LRRTM4: variants seen among roughly 807,000 people sequenced by gnomAD.
The protein encoded by LRRTM4 is leucine-rich repeat transmembrane neuronal protein 4.
In LRRTM4, 25 loss-of-function variants were observed where a neutral mutation model predicts 47.6. The observed-to-expected ratio is 0.53, with a 90% CI of 0.38 to 0.73. The LOEUF (loss-of-function observed/expected upper bound fraction) is 0.73, where lower values mean the gene tolerates loss of function less well. Among genes scored for constraint, LRRTM4 ranks in the 30% least tolerant of loss-of-function variants. The pLI, the probability that LRRTM4 is intolerant of heterozygous loss-of-function variation, is 0.00. For synonymous variants in LRRTM4, 311 were observed against 269.5 expected (o/e 1.15, Z -1.51); for missense variants, 638 against 713.4 (o/e 0.89, Z 1.20).
intron 3 of LRRTM4, among the ~76,000 whole-genome samples, chr2:77,312,217 T>C (rs1356236640): frequency 6.6e-6 from 1 of 152,196 alleles, no homozygotes; most frequent in Non-Finnish European, 1.5e-5. Flanking sequence ...CAAAAGTGTG[T>C]AATTCCACAG....
intron 3 of LRRTM4, among the ~76,000 whole-genome samples, chr2:77,433,471 T>A (rs1675466923): frequency 6.6e-6 from 1 of 152,140 alleles, no homozygotes; most frequent in South Asian, 2.1e-4. Flanking sequence ...CATCTCAACC[T>A]TGCACCAAAA....
In LRRTM4 at chr2:76,774,338, C is replaced by T. The variant is rs549111262; in HGVS notation, c.1552-25422G>A. Among the ~76,000 whole-genome samples, 14 of 151,578 alleles carry T rather than the reference C, an allele frequency of 9.2e-5. No individual in the cohort carries two copies. The East Asian group carries it at 9.8e-4, about 11-fold the overall frequency. The stretch of plus-strand genomic sequence containing the variant: ...TCCCTAGTAGCTGGGATTACAGGCA[C>T]GTGCCACCACTCCCAGATAATTTTT... On this transcript the variant is annotated intron_variant, in intron 3 of 3. Transcript: ENST00000409884.
At chr2:76,946,346 C>T (rs895646958) in intron 3 of LRRTM4, among the ~76,000 whole-genome samples, 42 of 151,794 alleles carry the variant, frequency 2.8e-4, no homozygotes, top group African/African-American at 9.4e-4. Context: ...TGGTATTCTG[C>T]CATTTTGCTG....
At chr2:77,080,501 G>A (rs1044292219) in intron 3 of LRRTM4, among the ~76,000 whole-genome samples, 1 of 152,020 alleles carries the variant, frequency 6.6e-6, no homozygotes, top group Non-Finnish European at 1.5e-5. Context: ...TAATCTAACA[G>A]GCAAATCAAA....
intron 3 of LRRTM4, among the ~76,000 whole-genome samples, chr2:76,749,382 T>A (rs1219855212): frequency 6.6e-6 from 1 of 152,102 alleles, no homozygotes; most frequent in Admixed American, 6.6e-5. Flanking sequence ...ATATTTACAC[T>A]TTTATTTATA....
intron 3 of LRRTM4, among the ~76,000 whole-genome samples, chr2:76,763,926 A>C (rs1397356547): frequency 6.6e-6 from 1 of 152,182 alleles, no homozygotes; most frequent in Non-Finnish European, 1.5e-5. Context: ...AACAATCATA[A>C]ACAGAATGGT....
At chr2:77,011,041 G>A (rs1677851762) in intron 3 of LRRTM4, among the ~76,000 whole-genome samples, 1 of 152,056 alleles carries the variant, frequency 6.6e-6, no homozygotes, top group African/African-American at 2.4e-5. Context: ...TGATCAGACA[G>A]TCAGAAGTAC....
chr2:77,107,581 G>A (rs914984311), intron 3 of LRRTM4, among the ~76,000 whole-genome samples: 5 of 152,142 alleles, frequency 3.3e-5, no homozygotes, highest in Admixed American at 1.3e-4. Flanking sequence ...CACTTCGGGA[G>A]GCCGAGGTGG....
intron 3 of LRRTM4, among the ~76,000 whole-genome samples, chr2:76,990,782 T>C (rs1469306473): frequency 2.0e-5 from 3 of 151,584 alleles, no homozygotes; most frequent in Non-Finnish European, 4.4e-5. Context: ...CTTAAATTTA[T>C]ACTTGACCAA....
rs145300514 is a variant in LRRTM4 at position 76,936,999 on chromosome 2, T to A, written c.1552-188083A>T. ...AAAAAAAAAAAAGAGCACATAAGTA[T>A]ATGTGAAAACATATCATCTTATCAG... On this transcript the variant is annotated intron_variant, in intron 3 of 3. Coordinates refer to ENST00000409884, the MANE Select transcript of LRRTM4 (RefSeq NM_001134745.3). Among the ~76,000 whole-genome samples the A allele has an allele frequency of 4.0e-3, 476 of 118,604 alleles. 1 individual carries two copies. Among genetic ancestry groups the A allele is most frequent in the African/African-American group, 0.015 (459 of 30,996 alleles). The allele number at this position is 118,604 out of a possible 152,430, so 77.8% of individuals were successfully genotyped here. A position where few individuals can be genotyped will look rare whatever the true frequency, so the allele number is the denominator to read the frequency against.
At chr2:77,104,779 C>T (rs1008685434) in intron 3 of LRRTM4, among the ~76,000 whole-genome samples, 1 of 152,094 alleles carries the variant, frequency 6.6e-6, no homozygotes, top group East Asian at 1.9e-4. Flanking sequence ...GAGGTGAGCG[C>T]CAGGGTACCA....
chr2:77,038,523 A>C (rs2104166604), intron 3 of LRRTM4, among the ~76,000 whole-genome samples: 1 of 151,692 alleles, frequency 6.6e-6, no homozygotes, highest in Middle Eastern at 3.4e-3. Flanking sequence ...TCACATGCCC[A>C]ATACTGACTA....
chr2:77,120,991 G>A lies in LRRTM4; in HGVS notation c.1552-372075C>T, dbSNP rs568994235. On this transcript the variant is annotated intron_variant, in intron 3 of 3. Transcript: ENST00000409884. Reference sequence around the variant, plus strand: ...AAACCTTGAAAAAAGAAACACAGTAGATCTACGTATCTGTGTACGGGCTAT... The same window carrying A: ...AAACCTTGAAAAAAGAAACACAGTAAATCTACGTATCTGTGTACGGGCTAT... 3.3e-5 allele frequency among the ~76,000 whole-genome samples: 5 copies of A among 151,890 alleles called. No homozygotes were observed. The East Asian group carries it at 7.7e-4, about 23-fold the overall frequency.
chr2:77,104,728 C>G (rs966791959), intron 3 of LRRTM4, among the ~76,000 whole-genome samples: 1 of 152,124 alleles, frequency 6.6e-6, no homozygotes, highest in Non-Finnish European at 1.5e-5. Context: ...TGAGGACACC[C>G]GCTGAAATCG....
intron 3 of LRRTM4, among the ~76,000 whole-genome samples, chr2:77,249,652 G>C (rs1558653058): frequency 6.6e-6 from 1 of 152,122 alleles, no homozygotes; most frequent in South Asian, 2.1e-4. Context: ...CCAAAATCCA[G>C]AGCGCTGATA....
chr2:77,302,478 T>C lies in LRRTM4; in HGVS notation c.1551+215840A>G, dbSNP rs370201477. Among the ~76,000 whole-genome samples, 6 of 152,298 alleles carry C rather than the reference T, an allele frequency of 3.9e-5. No homozygotes were observed. In the East Asian group the frequency reaches 7.7e-4, roughly 20 times the overall value. On this transcript the variant is annotated intron_variant, in intron 3 of 3. Coordinates refer to ENST00000409884, the MANE Select transcript of LRRTM4 (RefSeq NM_001134745.3). Reference sequence around the variant, plus strand: ...GGGATTCAAGAGTTCCTCAAAGGCATGGAATATAATGAAAAATATCACAGG... The same window carrying C: ...GGGATTCAAGAGTTCCTCAAAGGCACGGAATATAATGAAAAATATCACAGG...
chr2:76,850,524 T>G (rs1340154145), intron 3 of LRRTM4, among the ~76,000 whole-genome samples: 1 of 152,204 alleles, frequency 6.6e-6, no homozygotes, highest in Non-Finnish European at 1.5e-5. Context: ...CATTATCCCC[T>G]GTTACTGCAG....
At chr2:77,130,723 G>A (rs868393774) in intron 3 of LRRTM4, among the ~76,000 whole-genome samples, 2 of 150,912 alleles carry the variant, frequency 1.3e-5, no homozygotes, top group African/African-American at 4.9e-5. Flanking sequence ...GTGTTAGCCA[G>A]GATGGTCTCA....
chr2:77,315,083 A>T (rs900235437), intron 3 of LRRTM4, among the ~76,000 whole-genome samples: 1 of 152,210 alleles, frequency 6.6e-6, no homozygotes, highest in African/African-American at 2.4e-5. Context: ...CAACAGGTTT[A>T]TTAGGAAGTA....
Sources: gnomAD v4.1 joint callset for allele counts (sites outside exome capture counted in the v4.1 genomes callset) on GRCh38, gnomAD v4.1.1 for gene constraint, MANE v1.5 for transcripts, NCBI Gene and HGNC (gene_info 2026-07-23, HGNC 2026-07-21) for gene names.